The following LRRIQ1 variants were observed in gnomAD, a reference collection of about 807,000 sequenced individuals.
LRRIQ1 encodes leucine-rich repeat- and IQ domain-containing protein 1.
LRRIQ1 carries 210 observed loss-of-function variants against 211.9 expected under a neutral mutation model. The ratio of observed to expected loss-of-function variants is 0.99; its 90% CI spans 0.89 to 1.11. The LOEUF is 1.11. LRRIQ1 is among the 50% of genes most tolerant of loss of function. The pLI is 0.00. For synonymous variants in LRRIQ1, 699 were observed against 650.1 expected, an observed-to-expected ratio of 1.08 and a Z score of -1.14; for missense variants, 2,136 against 1,939.5, an observed-to-expected ratio of 1.10 and a Z score of -1.90.
chr12:85,228,900 TCTCCCTCTGGTGTA>T (rs1278141529), intron 24 of LRRIQ1, among the ~76,000 whole-genome samples: 6 of 152,104 alleles, frequency 3.9e-5, no homozygotes, highest in Non-Finnish European at 7.4e-5. Flanking sequence ...TTAAGAGGTG[TCTCCCTCTGGTGTA>T]CTGTCAATCA....
chr12:85,248,008 A>G (rs551661340), downstream of LRRIQ1, among the ~76,000 whole-genome samples: 1 of 151,708 alleles, frequency 6.6e-6, no homozygotes, highest in South Asian at 2.1e-4. Context: ...TTCAAAAATT[A>G]TCATTTATAA....
At chr12:85,091,698 G>T (rs1002650944) in intron 11 of LRRIQ1, among the ~76,000 whole-genome samples, 1 of 152,064 alleles carries the variant, frequency 6.6e-6, no homozygotes, top group African/African-American at 2.4e-5. Flanking sequence ...GTAAAGGTCC[G>T]GTTTTATTCT....
At chr12:85,100,596 CAAAAAGTAAA>C (rs1011692462) in intron 13 of LRRIQ1, among the ~76,000 whole-genome samples, 8 of 151,390 alleles carry the variant, frequency 5.3e-5, no homozygotes, top group South Asian at 4.2e-4. Flanking sequence ...TCATCTATAC[CAAAAAGTAAA>C]ATTATTGTAT....
chr12:85,040,539 A>G lies in LRRIQ1; in HGVS notation c.182A>G (p.Lys61Arg), dbSNP rs1310786801. 1.3e-6 allele frequency: 2 copies of G among 1,596,808 alleles called. No homozygotes were observed. The highest frequency in any genetic ancestry group is 8.5e-7 in the Non-Finnish European group (1 of 1,170,790). ...ESVLHCINII[K>R]NRSKAVEELI... ...GTTCTTCACTGTATTAACATCATAA[A>G]GAACAGGAGTAAAGCTGTTGAAGAG... Residue 61 changes from lysine to arginine, a missense_variant, in exon 3 of 27, where the codon AAG becomes AGG. Coordinates refer to ENST00000393217, the MANE Select transcript of LRRIQ1 (RefSeq NM_001079910.2).
At chr12:85,098,627 G>C in intron 12 of LRRIQ1, 79 bp downstream of exon 12, 1 of 1,173,346 alleles carries the variant, frequency 8.5e-7, no homozygotes, top group South Asian at 1.6e-5. Flanking sequence ...CATATTAAAA[G>C]CAATTTTGAA....
chr12:85,195,138 C>A (rs1260772046), intron 24 of LRRIQ1, among the ~76,000 whole-genome samples: 2 of 152,090 alleles, frequency 1.3e-5, no homozygotes, highest in African/African-American at 4.8e-5. Flanking sequence ...AGTTGAATCT[C>A]TGAATAGACC....
At chr12:85,079,490 T>C (rs1384985548) in intron 11 of LRRIQ1, among the ~76,000 whole-genome samples, 1 of 151,958 alleles carries the variant, frequency 6.6e-6, no homozygotes, top group East Asian at 1.9e-4. Flanking sequence ...CCCAAAGTGC[T>C]GGGATTACAG....
At chr12:85,050,943 A>G (rs1194868227) in intron 6 of LRRIQ1, among the ~76,000 whole-genome samples, 1 of 152,102 alleles carries the variant, frequency 6.6e-6, no homozygotes, top group African/African-American at 2.4e-5. Flanking sequence ...AGAAGGTCCT[A>G]CTCATTCTCA....
intron 23 of LRRIQ1, among the ~76,000 whole-genome samples, chr12:85,159,162 TATTAA>T (rs1265837285): frequency 6.6e-6 from 1 of 151,994 alleles, no homozygotes; most frequent in Non-Finnish European, 1.5e-5. Flanking sequence ...ATTTTGTACA[TATTAA>T]ATTATTTGAC....
chr12:85,085,636 A>G (rs1884740517), intron 11 of LRRIQ1, among the ~76,000 whole-genome samples: 2 of 152,128 alleles, frequency 1.3e-5, no homozygotes, highest in Admixed American at 6.6e-5. Context: ...TCCCATCTTT[A>G]TGTCCATACA....
chr12:85,067,432 A>G (rs1321904120), intron 10 of LRRIQ1, among the ~76,000 whole-genome samples: 1 of 151,922 alleles, frequency 6.6e-6, no homozygotes, highest in Non-Finnish European at 1.5e-5. Flanking sequence ...CCTTCCTTAT[A>G]TCTTATAATT....
chr12:85,219,175 A>C, intron 24 of LRRIQ1, among the ~76,000 whole-genome samples: 1 of 152,116 alleles, frequency 6.6e-6, no homozygotes, highest in African/African-American at 2.4e-5. Flanking sequence ...AAGAAACCAA[A>C]GAATCACCCT....
chr12:85,269,148 T>C (rs914889464), downstream of LRRIQ1, among the ~76,000 whole-genome samples: 22 of 151,928 alleles, frequency 1.4e-4, no homozygotes, highest in African/African-American at 4.1e-4. Flanking sequence ...AGAACTGAGA[T>C]AGTTTGGTGA....
chr12:85,094,504 TG>T (rs958821504), intron 11 of LRRIQ1, among the ~76,000 whole-genome samples: 1 of 152,148 alleles, frequency 6.6e-6, no homozygotes, highest in African/African-American at 2.4e-5. Context: ...CATGCTATTT[TG>T]GTTACTATAG....
At chr12:85,241,902 T>C (rs547602993) in intron 26 of LRRIQ1, among the ~76,000 whole-genome samples, 1 of 152,122 alleles carries the variant, frequency 6.6e-6, no homozygotes, top group Non-Finnish European at 1.5e-5. Context: ...AGAATCTCTT[T>C]TTTAATTAAG....
chr12:85,186,563 T>C (rs1203587184), intron 24 of LRRIQ1, among the ~76,000 whole-genome samples: 1 of 152,146 alleles, frequency 6.6e-6, no homozygotes, highest in African/African-American at 2.4e-5. Flanking sequence ...ATATGCTATC[T>C]ACCCTGCCAT....
chr12:85,061,613 A>G (rs1188558830), intron 8 of LRRIQ1, among the ~76,000 whole-genome samples: 1 of 151,766 alleles, frequency 6.6e-6, no homozygotes, highest in Non-Finnish European at 1.5e-5. Flanking sequence ...AATAATATAA[A>G]TTATAATGTT....
Position 85,055,889 on chromosome 12 carries a change from G to GA in LRRIQ1, c.1103dup (p.Asn369GlufsTer30). On this transcript the variant is annotated frameshift_variant, in exon 8 of 27. Transcript: ENST00000393217. LOFTEE classifies it high-confidence loss of function. ...GAAAAGGAGAGAAAAAGAATATGAA[G>GA]AAAAAAAGAATATTGTGAAACAGGA... 1 of 1,583,012 alleles carries GA rather than the reference G, an allele frequency of 6.3e-7. No individual in the cohort carries two copies. The highest frequency in any genetic ancestry group is 8.6e-7 in the Non-Finnish European group (1 of 1,168,766).
At chr12:85,234,716 C>A (rs1017319291) in intron 26 of LRRIQ1, among the ~76,000 whole-genome samples, 1 of 152,036 alleles carries the variant, frequency 6.6e-6, no homozygotes, top group Non-Finnish European at 1.5e-5. Flanking sequence ...AAGAAAAAAC[C>A]ACTGCAACTG....
Sources: allele counts gnomAD v4.1 joint callset (sites outside exome capture counted in the v4.1 genomes callset), GRCh38; gene constraint gnomAD v4.1.1; transcripts MANE v1.5; gene names NCBI Gene and HGNC (gene_info 2026-07-23, HGNC 2026-07-21).